Variants in FGF6 observed in about 807,000 individuals in gnomAD.
The protein encoded by FGF6 is FGF-6.
Under a neutral mutation model 18.4 loss-of-function variants are expected in FGF6, and 14 were observed. That is an observed-to-expected ratio of 0.76 (90% CI 0.50 to 1.19). The LOEUF (loss-of-function observed/expected upper bound fraction) is 1.19, where lower values mean the gene tolerates loss of function less well. Ranked by LOEUF, FGF6 falls within the 50% of genes most tolerant of loss-of-function variation. The pLI, the probability that FGF6 is intolerant of heterozygous loss-of-function variation, is 0.00. For missense variants in FGF6, 266 were observed against 271.6 expected, an observed-to-expected ratio of 0.98 and a Z score of 0.15; for synonymous variants, 125 against 116.7, an observed-to-expected ratio of 1.07 and a Z score of -0.46.
rs1865729555 is a variant in FGF6 at position 4,444,245 on chromosome 12, G to A, written c.347-9C>T. On this transcript the variant is annotated splice_polypyrimidine_tract_variant and intron_variant, in intron 1 of 2. Coordinates refer to ENST00000228837, the MANE Select transcript of FGF6 (RefSeq NM_020996.3). ...GGAAATTTCCAGCAGGCCTGACAAG[G>A]AAAGGGGGGCCACATTACCTAAGGC... 1 of 1,591,522 alleles carries A rather than the reference G, an allele frequency of 6.3e-7. No homozygotes were observed. The highest frequency in any genetic ancestry group is 1.3e-5 in the African/African-American group (1 of 74,432).
intron 2 of FGF6, among the ~76,000 whole-genome samples, chr12:4,438,509 T>C (rs1271496009): frequency 1.3e-5 from 2 of 152,066 alleles, no homozygotes; most frequent in East Asian, 3.9e-4. Context: ...ATGCCTGTAA[T>C]CCCAGCACTT....
At position 4,445,566 on chromosome 12, in the gene FGF6, G is replaced by GC. The variant is rs759226219; in HGVS notation, c.4dup (p.Ala2GlyfsTer143). ...AGTGATGAACAGTTTCTGTCCCAGG[G>GC]CCATCCACCTTGCCTCTCAGGCACG... On this transcript the variant is annotated frameshift_variant, in exon 1 of 3. Transcript: ENST00000228837. LOFTEE classifies it high-confidence loss of function. The surrounding 1 kb of genome is among the most constrained non-coding windows in gnomAD (Gnocchi z 5.5). The GC allele has an allele frequency of 1.3e-6, 2 of 1,581,254 alleles. No homozygotes were observed. Among genetic ancestry groups the GC allele is most frequent in the Non-Finnish European group, 1.7e-6 (2 of 1,161,516 alleles).
At chr12:4,438,247 T>C (rs1261168663) in intron 2 of FGF6, among the ~76,000 whole-genome samples, 2 of 152,158 alleles carry the variant, frequency 1.3e-5, no homozygotes, top group Admixed American at 6.5e-5. Flanking sequence ...TATGCTCTCA[T>C]TAGTGAGGGC....
chr12:4,441,331 A>G (rs946409804), intron 2 of FGF6, among the ~76,000 whole-genome samples: 2 of 152,146 alleles, frequency 1.3e-5, no homozygotes, highest in South Asian at 4.1e-4. Context: ...CGGGTCGCGG[A>G]GCCCTGAGAC....
At chr12:4,435,873 G>A (rs770048142) in intron 2 of FGF6, among the ~76,000 whole-genome samples, 5 of 152,098 alleles carry the variant, frequency 3.3e-5, no homozygotes, top group Admixed American at 6.5e-5. Flanking sequence ...GGGAGTATGC[G>A]GGGATTTCCT....
At chr12:4,439,469 A>G (rs1314910148) in intron 2 of FGF6, among the ~76,000 whole-genome samples, 6 of 152,120 alleles carry the variant, frequency 3.9e-5, no homozygotes, top group African/African-American at 1.4e-4. Flanking sequence ...TGGACAAGAA[A>G]CTCTCAAGCC....
rs1251300199 is a variant in FGF6, at chr12:4,445,155, C to T, written c.346+70G>A. ...GTGCATCCTGTCCGCTAGAGCAGGG[C>T]CCCTTCACCTTTTAGCCCTGCATGA... On this transcript the variant is annotated intron_variant, in intron 1 of 2. Transcript: ENST00000228837. The surrounding 1 kb of genome is among the most constrained non-coding windows in gnomAD (Gnocchi z 5.5). 3.1e-6 allele frequency: 4 copies of T among 1,293,412 alleles called. No homozygotes were observed. In the East Asian group the frequency reaches 7.5e-5, roughly 24 times the overall value. 80.1% of individuals were successfully genotyped at this position (1,293,412 alleles called of 1,614,324 possible).
At chr12:4,434,501 CTT>C in intron 2 of FGF6, 110 bp from the exon 3 acceptor site, 3 of 972,024 alleles carry the variant, frequency 3.1e-6, no homozygotes, top group Non-Finnish European at 4.8e-6. Flanking sequence ...CTTCCCTTCT[CTT>C]TGTGAGACAA....
chr12:4,434,183 C>A lies in FGF6; in HGVS notation c.*32G>T, dbSNP rs1184959454. The A allele has an allele frequency of 3.1e-6, 5 of 1,608,158 alleles. No individual in the cohort carries two copies. Among genetic ancestry groups the A allele is most frequent in the South Asian group, 2.2e-5 (2 of 90,874 alleles). On this transcript the variant is annotated 3_prime_UTR_variant, in exon 3 of 3. Coordinates refer to ENST00000228837, the MANE Select transcript of FGF6 (RefSeq NM_020996.3). ...CAAAATTTCAATCGAACAGATGATG[C>A]TTTAAATCTGTGAGCCTTCTTTTGT...
intron 2 of FGF6, among the ~76,000 whole-genome samples, chr12:4,439,696 A>G (rs930715492): frequency 6.8e-6 from 1 of 147,688 alleles, no homozygotes; most frequent in Non-Finnish European, 1.5e-5. Flanking sequence ...TTTCAAGTTT[A>G]CTACTTTTTT....
intron 2 of FGF6, among the ~76,000 whole-genome samples, chr12:4,440,716 G>A (rs750061302): frequency 1.3e-5 from 2 of 152,208 alleles, no homozygotes; most frequent in Non-Finnish European, 2.9e-5. Flanking sequence ...GGATTTGTAT[G>A]CAGAGCCTCA....
intron 2 of FGF6, among the ~76,000 whole-genome samples, chr12:4,437,397 T>A (rs552779813): frequency 6.6e-6 from 1 of 152,274 alleles, no homozygotes; most frequent in East Asian, 1.9e-4. Flanking sequence ...TAAGCTTGCA[T>A]GGAAGAGCAG....
Position 4,445,642 on chromosome 12 carries a change from C to T in FGF6, c.-72G>A, listed in dbSNP as rs1865756564. The T allele has an allele frequency of 7.9e-7, 1 of 1,273,786 alleles. No homozygotes were observed. The allele number at this position is 1,273,786 out of a possible 1,614,324, so 78.9% of individuals were successfully genotyped here. On this transcript the variant is annotated 5_prime_UTR_variant, in exon 1 of 3. Coordinates refer to ENST00000228837, the MANE Select transcript of FGF6 (RefSeq NM_020996.3). The surrounding 1 kb of genome is among the most constrained non-coding windows in gnomAD (Gnocchi z 5.5). ...TACCGCCCTTCTTGTTTTTCTCCCT[C>T]CGGCATGGCGGCAGGGGCTTATTTT...
At chr12:4,444,883 T>C (rs1865738374) in intron 1 of FGF6, among the ~76,000 whole-genome samples, 1 of 152,232 alleles carries the variant, frequency 6.6e-6, no homozygotes, top group Non-Finnish European at 1.5e-5. Context: ...TGTGTCAAAT[T>C]TGATCCAAGT....
intron 2 of FGF6, 77 bp from the exon 3 acceptor site, chr12:4,434,468 A>T: frequency 7.2e-7 from 1 of 1,391,378 alleles, no homozygotes; most frequent in South Asian, 1.2e-5. Context: ...GGCCGCAGAG[A>T]GTAGGCCCCT....
chr12:4,441,274 A>G (rs1865686917), intron 2 of FGF6, among the ~76,000 whole-genome samples: 1 of 152,322 alleles, frequency 6.6e-6, no homozygotes, highest in East Asian at 1.9e-4. Context: ...GACGTTGCCC[A>G]AAGTAAGACG....
chr12:4,437,554 A>G (rs1350269700), intron 2 of FGF6, among the ~76,000 whole-genome samples: 1 of 152,226 alleles, frequency 6.6e-6, no homozygotes, highest in African/African-American at 2.4e-5. Context: ...GGAAAAATTC[A>G]GCTCAGAACT....
chr12:4,441,080 G>A (rs1473794341), intron 2 of FGF6, among the ~76,000 whole-genome samples: 2 of 152,204 alleles, frequency 1.3e-5, no homozygotes, highest in African/African-American at 2.4e-5. Context: ...AAGCACGACC[G>A]AATTGCTGGT....
At chr12:4,435,273 T>C (rs1865615639) in intron 2 of FGF6, among the ~76,000 whole-genome samples, 2 of 152,088 alleles carry the variant, frequency 1.3e-5, no homozygotes, top group Admixed American at 6.5e-5. Context: ...CCCTATTGCC[T>C]GCAAGACCAC....
Sources: allele counts gnomAD v4.1 joint callset (sites outside exome capture counted in the v4.1 genomes callset), GRCh38; gene constraint gnomAD v4.1.1; non-coding constraint Gnocchi (gnomAD v3.1); transcripts MANE v1.5; gene names NCBI Gene and HGNC (gene_info 2026-07-23, HGNC 2026-07-21).